NRP2: variants seen among roughly 807,000 people sequenced by gnomAD.
NRP2 encodes neuropilin-2.
In NRP2, 52 loss-of-function variants were observed where a neutral mutation model predicts 110.4. The observed-to-expected ratio is 0.47, with a 90% CI of 0.38 to 0.59. NRP2 has a LOEUF of 0.59. NRP2 is among the 20% of genes least tolerant of loss of function. The pLI, the probability that NRP2 is intolerant of heterozygous loss-of-function variation, is 0.00. For synonymous variants in NRP2, 508 were observed against 468.9 expected (o/e 1.08, Z -1.08); for missense variants, 1,049 against 1,203.0 (o/e 0.87, Z 1.89).
chr2:205,724,330 C>G (rs2057082625), intron 5 of NRP2, among the ~76,000 whole-genome samples: 1 of 152,160 alleles, frequency 6.6e-6, no homozygotes, highest in South Asian at 2.1e-4. Context: ...CTCAAAATCT[C>G]AGGGGCAATT....
rs142215973 is a variant in NRP2, at chr2:205,693,216, G to T, written c.74-4328G>T. Reference sequence around the variant, plus strand: ...AAAGTATATTATTTTCAGAGGAAATGAGACCGATTGCTTTTCTCCACTAAG... The same window carrying T: ...AAAGTATATTATTTTCAGAGGAAATTAGACCGATTGCTTTTCTCCACTAAG... On this transcript the variant is annotated intron_variant, in intron 1 of 16. Transcript: ENST00000357785. Among the ~76,000 whole-genome samples the T allele has an allele frequency of 1.9e-3, 297 of 152,336 alleles. 2 individuals are homozygous for T. The highest frequency in any genetic ancestry group is 6.9e-3 in the African/African-American group (286 of 41,576).
At chr2:205,771,606 A>G (rs2058024866) in intron 15 of NRP2, among the ~76,000 whole-genome samples, 1 of 152,228 alleles carries the variant, frequency 6.6e-6, no homozygotes, top group Non-Finnish European at 1.5e-5. Flanking sequence ...TTCATAAAGC[A>G]GCTATAGTAT....
intron 15 of NRP2, among the ~76,000 whole-genome samples, chr2:205,788,665 T>G (rs2058263496): frequency 6.6e-6 from 1 of 152,142 alleles, no homozygotes; most frequent in Non-Finnish European, 1.5e-5. Flanking sequence ...CTCCCACATT[T>G]TCCTTCCTGA....
intron 7 of NRP2, among the ~76,000 whole-genome samples, chr2:205,730,407 C>T (rs146662567): frequency 3.9e-5 from 6 of 152,250 alleles, no homozygotes; most frequent in Non-Finnish European, 8.8e-5. Flanking sequence ...GAAGAGGCTT[C>T]GTCCATGCCG....
chr2:205,794,632 T>C, intron 16 of NRP2, 122 bp from the exon 17 acceptor site: 2 of 1,040,542 alleles, frequency 1.9e-6, no homozygotes, highest in South Asian at 2.6e-5. Flanking sequence ...CCAGGCAGTC[T>C]AATTCCAGAG....
intron 2 of NRP2, among the ~76,000 whole-genome samples, chr2:205,703,094 T>G (rs2056595979): frequency 6.6e-6 from 1 of 152,184 alleles, no homozygotes; most frequent in African/African-American, 2.4e-5. Flanking sequence ...TAGGCAGGTG[T>G]GTGCAGGTGA....
chr2:205,764,101 T>C lies in NRP2; in HGVS notation c.2307+165T>C, dbSNP rs1256528738. 3.5e-6 allele frequency: 3 copies of C among 855,282 alleles called. No homozygotes were observed. In the African/African-American group the frequency reaches 5.1e-5, roughly 15 times the overall value. The allele number at this position is 855,282 out of a possible 1,614,324, so 53.0% of individuals were successfully genotyped here. A position where few individuals can be genotyped will look rare whatever the true frequency, so the allele number is the denominator to read the frequency against. ...TTATTTGTTATTCAGAATATGCCTA[T>C]CTCTACACCCAGACTTGGTTCTTTG... On this transcript the variant is annotated intron_variant, in intron 13 of 16. Transcript: ENST00000357785.
At chr2:205,783,733 A>T (rs2058203976) in intron 15 of NRP2, among the ~76,000 whole-genome samples, 1 of 152,322 alleles carries the variant, frequency 6.6e-6, no homozygotes, top group East Asian at 1.9e-4. Context: ...GGTGGAGGAG[A>T]AGCCCAGAGA....
chr2:205,769,379 TGG>T (rs1449279949), intron 15 of NRP2, among the ~76,000 whole-genome samples: 1 of 152,212 alleles, frequency 6.6e-6, no homozygotes, highest in Non-Finnish European at 1.5e-5. Flanking sequence ...AGTTATTAGA[TGG>T]TCGCAATCTT....
At chr2:205,738,317 C>A (rs2057380906) in intron 7 of NRP2, among the ~76,000 whole-genome samples, 1 of 152,162 alleles carries the variant, frequency 6.6e-6, no homozygotes, top group Non-Finnish European at 1.5e-5. Flanking sequence ...AGTGGAGGCC[C>A]CCCTGCTGCT....
At chr2:205,766,726 T>A in intron 14 of NRP2, 57 bp from the exon 15 acceptor site, 1 of 1,465,544 alleles carries the variant, frequency 6.8e-7, no homozygotes, top group Non-Finnish European at 9.6e-7. Flanking sequence ...TCACTCTATG[T>A]TCACCCAATT....
chr2:205,683,278 C>A lies in NRP2; in HGVS notation c.-13C>A. 1 of 1,606,066 alleles carries A rather than the reference C, an allele frequency of 6.2e-7. No individual in the cohort carries two copies. The highest frequency in any genetic ancestry group is 8.5e-7 in the Non-Finnish European group (1 of 1,172,990). ...CTACGAACCCAGCTCTGGAAAGAGC[C>A]ACCTTCTCCAAAATGGATATGTTTC... On this transcript the variant is annotated 5_prime_UTR_variant, in exon 1 of 17. Coordinates refer to ENST00000357785, the MANE Select transcript of NRP2 (RefSeq NM_003872.3).
intron 15 of NRP2, among the ~76,000 whole-genome samples, chr2:205,784,168 A>G (rs1290790093): frequency 6.6e-6 from 1 of 152,194 alleles, no homozygotes; most frequent in Non-Finnish European, 1.5e-5. Context: ...TTCTTTCTCC[A>G]GCAGCAGGAC....
intron 3 of NRP2, among the ~76,000 whole-genome samples, chr2:205,718,151 A>G (rs1390985311): frequency 6.6e-6 from 1 of 152,178 alleles, no homozygotes; most frequent in Admixed American, 6.5e-5. Context: ...GAAGCTGGCC[A>G]AGGGAAGTCA....
At chr2:205,774,940 T>C (rs2105943715) in intron 15 of NRP2, among the ~76,000 whole-genome samples, 1 of 152,152 alleles carries the variant, frequency 6.6e-6, no homozygotes, top group East Asian at 1.9e-4. Context: ...GGGTGGGTAG[T>C]GTAAGGAGGC....
intron 15 of NRP2, among the ~76,000 whole-genome samples, chr2:205,783,991 ATCTC>A (rs2058206970): frequency 2.2e-5 from 1 of 45,002 alleles, no homozygotes; most frequent in Non-Finnish European, 4.6e-5. Flanking sequence ...ACTAGAGTGC[ATCTC>A]TCTCTGACAC....
chr2:205,684,481 G>A (rs965887147), intron 1 of NRP2, among the ~76,000 whole-genome samples: 7 of 152,224 alleles, frequency 4.6e-5, no homozygotes, highest in Admixed American at 2.0e-4. Context: ...AGCTAACTCT[G>A]CAGCCTCCTT....
intron 12 of NRP2, among the ~76,000 whole-genome samples, chr2:205,758,005 G>A (rs2057760848): frequency 2.0e-5 from 3 of 152,004 alleles, no homozygotes. Flanking sequence ...AAACCTTCAT[G>A]AAAGCCGGCA....
chr2:205,685,036 G>A (rs1225033992), intron 1 of NRP2, among the ~76,000 whole-genome samples: 2 of 152,172 alleles, frequency 1.3e-5, no homozygotes, highest in Non-Finnish European at 2.9e-5. Context: ...GGGTCGTGAA[G>A]ACTCAGGGGC....
Sources: gnomAD v4.1 joint callset for allele counts (sites outside exome capture counted in the v4.1 genomes callset) on GRCh38, gnomAD v4.1.1 for gene constraint, MANE v1.5 for transcripts, NCBI Gene and HGNC (gene_info 2026-07-23, HGNC 2026-07-21) for gene names.